The following SIK2 variants were observed in gnomAD, a reference collection of about 807,000 sequenced individuals.
SIK2 encodes serine/threonine-protein kinase SIK2.
SIK2 carries 29 observed loss-of-function variants against 103.2 expected under a neutral mutation model. That is an observed-to-expected ratio of 0.28 (90% CI 0.21 to 0.38). SIK2 has a LOEUF of 0.38. Ranked by LOEUF, SIK2 falls within the 10% of genes least tolerant of loss-of-function variation. SIK2 has a pLI of 1.00. For synonymous variants in SIK2, 412 were observed against 446.1 expected, an observed-to-expected ratio of 0.92 and a Z score of 0.96; for missense variants, 879 against 1,171.0, an observed-to-expected ratio of 0.75 and a Z score of 3.64.
intron 9 of SIK2, among the ~76,000 whole-genome samples, chr11:111,719,355 CCTTTT>C (rs1377371319): frequency 3.0e-5 from 2 of 66,476 alleles, no homozygotes; most frequent in African/African-American, 4.9e-5. Context: ...GGTGACTACC[CCTTTT>C]TTTTTTTTTT....
At chr11:111,673,114 C>A (rs1565346279) in intron 3 of SIK2, among the ~76,000 whole-genome samples, 1 of 152,290 alleles carries the variant, frequency 6.6e-6, no homozygotes, top group East Asian at 1.9e-4. Flanking sequence ...GCAAACCCAA[C>A]TCTATGAAGT....
chr11:111,626,710 C>CAAAA (rs33939540), intron 3 of SIK2, among the ~76,000 whole-genome samples: 1 of 147,630 alleles, frequency 6.8e-6, no homozygotes, highest in East Asian at 2.0e-4. Flanking sequence ...CCATTAACTA[C>CAAAA]AAAAAAAAAA....
chr11:111,669,118 T>G (rs149872269), intron 3 of SIK2, among the ~76,000 whole-genome samples: 2 of 152,340 alleles, frequency 1.3e-5, no homozygotes, highest in Non-Finnish European at 2.9e-5. Context: ...TACAGTTAAC[T>G]CCTTTACTAT....
intron 3 of SIK2, chr11:111,671,346 C>T: frequency 4.3e-6 from 1 of 234,830 alleles, no homozygotes; most frequent in Non-Finnish European, 8.5e-6. Context: ...CCAGCTCCAC[C>T]AGCTTGGCAT....
At chr11:111,610,587 C>A (rs1257336419) in intron 1 of SIK2, among the ~76,000 whole-genome samples, 7 of 89,754 alleles carry the variant, frequency 7.8e-5, no homozygotes, top group Non-Finnish European at 1.4e-4. Context: ...ACATTTAATT[C>A]TTTGTCCTCC....
chr11:111,721,277 C>G (rs974724030), intron 12 of SIK2, among the ~76,000 whole-genome samples: 1 of 152,150 alleles, frequency 6.6e-6, no homozygotes, highest in Non-Finnish European at 1.5e-5. Flanking sequence ...CAGATGGAGG[C>G]CTGGACACTC....
At chr11:111,679,556 A>G (rs1382453367) in intron 3 of SIK2, among the ~76,000 whole-genome samples, 1 of 152,250 alleles carries the variant, frequency 6.6e-6, no homozygotes, top group Non-Finnish European at 1.5e-5. Flanking sequence ...ATTCATAAAT[A>G]TATCTCAAGG....
At chr11:111,666,548 T>C (rs1387509922) in intron 3 of SIK2, among the ~76,000 whole-genome samples, 4 of 152,234 alleles carry the variant, frequency 2.6e-5, no homozygotes, top group African/African-American at 4.8e-5. Context: ...CTATCTCTGC[T>C]TTTTACCACC....
intron 3 of SIK2, among the ~76,000 whole-genome samples, chr11:111,658,451 C>T (rs866883225): frequency 6.6e-6 from 1 of 151,940 alleles, no homozygotes. Flanking sequence ...GTATTAGAAT[C>T]GAGAGATACG....
At position 111,723,621 on chromosome 11, in the gene SIK2, C is replaced by G; in HGVS notation, c.2273C>G (p.Thr758Ser). 2.5e-6 allele frequency: 4 copies of G among 1,614,196 alleles called. No individual in the cohort carries two copies. The highest frequency in any genetic ancestry group is 3.4e-6 in the Non-Finnish European group (4 of 1,180,040). ...CAGCTGCCCCTTCCCCGCCAGGAGACTCCACCGCCTTCTCAGCAGGCCCCA... is the reference window on the plus strand; with the variant it reads ...CAGCTGCCCCTTCCCCGCCAGGAGAGTCCACCGCCTTCTCAGCAGGCCCCA... ...SQQLPLPRQE[T>S]PPPSQQAPPF... Residue 758 changes from threonine to serine, a missense_variant, in exon 15 of 15, where the codon ACT (threonine) becomes AGT (serine). This residue lies in a region of SIK2 where 375 missense variants were observed against 416.3 expected (regional missense o/e 0.90). Coordinates refer to ENST00000304987, the MANE Select transcript of SIK2 (RefSeq NM_015191.3).
chr11:111,704,909 T>C (rs1943304838), intron 7 of SIK2, 78 bp from the exon 8 acceptor site: 6 of 1,346,926 alleles, frequency 4.5e-6, no homozygotes, highest in Non-Finnish European at 6.0e-6. Flanking sequence ...ATTTCTTTCC[T>C]CTTTTTTTTT....
At chr11:111,683,756 A>G (rs1942808197) in intron 3 of SIK2, among the ~76,000 whole-genome samples, 1 of 152,168 alleles carries the variant, frequency 6.6e-6, no homozygotes, top group Non-Finnish European at 1.5e-5. Context: ...CAGCCCATCA[A>G]TAAGGTTTTT....
intron 1 of SIK2, among the ~76,000 whole-genome samples, chr11:111,607,439 A>G (rs1265075266): frequency 1.3e-5 from 2 of 152,174 alleles, no homozygotes; most frequent in East Asian, 3.8e-4. Flanking sequence ...CCTGATTATG[A>G]TGTTTCTTGA....
In SIK2 at chr11:111,726,781, T is replaced by C; in HGVS notation, c.*2652T>C. The C allele has an allele frequency of 3.3e-6, 2 of 603,052 alleles. No homozygotes were observed. The highest frequency in any genetic ancestry group is 4.3e-5 in the South Asian group (2 of 46,478). 37.4% of individuals were successfully genotyped at this position (603,052 alleles called of 1,614,324 possible). A position where few individuals can be genotyped will look rare whatever the true frequency, so the allele number is the denominator to read the frequency against. ...GGGCTACTCTGAAGTACTGACTTGC[T>C]TTCCAGTCTGATTCACGTTAGCAGT... On this transcript the variant is annotated 3_prime_UTR_variant, in exon 15 of 15. Transcript: ENST00000304987.
rs1393543146 is a variant in SIK2 at position 111,602,736 on chromosome 11, G to T, written c.135+38G>T. On this transcript the variant is annotated intron_variant, in intron 1 of 14. Transcript: ENST00000304987. The surrounding 1 kb of genome is among the most constrained non-coding windows in gnomAD (Gnocchi z 4.5). ...GCTCGGCGGGAGCGTCCGAGGCGAG[G>T]GTTCGGGAGAGGAGCTGCTTACCGA... is the stretch of plus-strand genomic sequence containing the variant. The T allele has an allele frequency of 6.8e-7, 1 of 1,468,564 alleles. No homozygotes were observed. The allele number at this position is 1,468,564 out of a possible 1,614,324, so 91.0% of individuals were successfully genotyped here.
chr11:111,605,640 T>A (rs1483867222), intron 1 of SIK2, among the ~76,000 whole-genome samples: 1 of 152,248 alleles, frequency 6.6e-6, no homozygotes, highest in Non-Finnish European at 1.5e-5. Context: ...ATTTTAGGGC[T>A]TAATCATCTA....
At chr11:111,654,108 G>T (rs1942361512) in intron 3 of SIK2, among the ~76,000 whole-genome samples, 1 of 152,198 alleles carries the variant, frequency 6.6e-6, no homozygotes, top group Non-Finnish European at 1.5e-5. Flanking sequence ...ATATTTTTCT[G>T]CTCTATAGCA....
chr11:111,648,540 T>C (rs565858284), intron 3 of SIK2, among the ~76,000 whole-genome samples: 2 of 152,204 alleles, frequency 1.3e-5, no homozygotes, highest in African/African-American at 4.8e-5. Context: ...GGATTAGATT[T>C]CAACGTATTA....
chr11:111,723,728 T>A lies in SIK2; in HGVS notation c.2380T>A (p.Tyr794Asn). ...QMQYSPFLSQ[Y>N]QEMQLQPLPS... Reference sequence around the variant, plus strand: ...GCAATACAGCCCTTTCCTCAGCCAGTACCAAGAGATGCAGCTTCAGCCCCT... The same window carrying A: ...GCAATACAGCCCTTTCCTCAGCCAGAACCAAGAGATGCAGCTTCAGCCCCT... The change falls in exon 15 of 15, where the codon TAC becomes AAC. Residue 794 changes from tyrosine to asparagine, a missense_variant. This residue lies in a region of SIK2 where 375 missense variants were observed against 416.3 expected (regional missense o/e 0.90). Coordinates refer to ENST00000304987, the MANE Select transcript of SIK2 (RefSeq NM_015191.3). 6.2e-7 allele frequency: 1 copy of A among 1,614,130 alleles called. No individual in the cohort carries two copies. The highest frequency in any genetic ancestry group is 8.5e-7 in the Non-Finnish European group (1 of 1,180,036).
Sources: gnomAD v4.1 joint callset for allele counts (sites outside exome capture counted in the v4.1 genomes callset) on GRCh38, gnomAD v4.1.1 for gene constraint, gnomAD v4.1.1 regional missense constraint, Gnocchi (gnomAD v3.1) non-coding constraint, MANE v1.5 for transcripts, NCBI Gene and HGNC (gene_info 2026-07-23, HGNC 2026-07-21) for gene names.